Variants in EIF4G3 observed in about 807,000 individuals in gnomAD.
EIF4G3 encodes the protein eukaryotic translation initiation factor 4 gamma 3, also known as eIF-4-gamma 3.
Under a neutral mutation model 186.4 loss-of-function variants are expected in EIF4G3, and 34 were observed. The observed-to-expected ratio is 0.18, with a 90% CI of 0.14 to 0.24. EIF4G3 has a LOEUF of 0.24. Among genes scored for constraint, EIF4G3 ranks in the 10% least tolerant of loss-of-function variants. The pLI, the probability that EIF4G3 is intolerant of heterozygous loss-of-function variation, is 1.00. For synonymous variants in EIF4G3, 673 were observed against 679.5 expected (o/e 0.99, Z 0.15); for missense variants, 1,536 against 1,948.5 (o/e 0.79, Z 3.99).
intron 2 of EIF4G3, among the ~76,000 whole-genome samples, chr1:21,157,505 A>AT (rs982242852): frequency 1.4e-4 from 21 of 147,736 alleles, no homozygotes; most frequent in South Asian, 6.4e-4. Context: ...CACCTGGCTA[A>AT]TTTTTTTTTT....
At chr1:20,931,332 G>A (rs1370716498) in intron 14 of EIF4G3, among the ~76,000 whole-genome samples, 1 of 152,150 alleles carries the variant, frequency 6.6e-6, no homozygotes, top group Non-Finnish European at 1.5e-5. Flanking sequence ...TTGCCAATGT[G>A]CAGTAGTATT....
chr1:20,811,910 T>C (rs1016029478), intron 35 of EIF4G3, among the ~76,000 whole-genome samples: 1 of 152,146 alleles, frequency 6.6e-6, no homozygotes, highest in Non-Finnish European at 1.5e-5. Context: ...TTAATACAAA[T>C]CTTTTCAGAA....
At chr1:20,956,410 A>C (rs116221807) in intron 12 of EIF4G3, among the ~76,000 whole-genome samples, 1,930 of 152,248 alleles carry the variant, frequency 0.013, 45 homozygotes, top group African/African-American at 0.044. Flanking sequence ...AGGAGAGGCA[A>C]GACAGAAGCA....
intron 34 of EIF4G3, among the ~76,000 whole-genome samples, chr1:20,813,857 A>C (rs958833026): frequency 6.6e-6 from 1 of 152,062 alleles, no homozygotes; most frequent in African/African-American, 2.4e-5. Flanking sequence ...AAAACAAAAA[A>C]CAAAAAACAA....
intron 3 of EIF4G3, among the ~76,000 whole-genome samples, chr1:21,062,898 A>G (rs1158912140): frequency 1.3e-5 from 2 of 152,084 alleles, no homozygotes; most frequent in Non-Finnish European, 2.9e-5. Context: ...GCCAATATAT[A>G]TATATTTTAA....
chr1:20,882,640 C>A (rs200248495), intron 19 of EIF4G3, among the ~76,000 whole-genome samples: 4 of 138,528 alleles, frequency 2.9e-5, no homozygotes, highest in Middle Eastern at 3.8e-3. Flanking sequence ...CAAAAAAAAA[C>A]AAAAAAAAAT....
At chr1:20,863,806 T>C (rs1459434165) in intron 22 of EIF4G3, among the ~76,000 whole-genome samples, 1 of 151,734 alleles carries the variant, frequency 6.6e-6, no homozygotes, top group East Asian at 1.9e-4. Context: ...TTTGCCCCTT[T>C]TCCTACCTTC....
chr1:21,125,590 G>T (rs867487822), intron 2 of EIF4G3, among the ~76,000 whole-genome samples: 1 of 151,936 alleles, frequency 6.6e-6, no homozygotes, highest in African/African-American at 2.4e-5. Flanking sequence ...ATGGTGGCGG[G>T]TGCCTGTAAT....
At chr1:20,821,645 T>C (rs975261973) in intron 33 of EIF4G3, among the ~76,000 whole-genome samples, 3 of 152,140 alleles carry the variant, frequency 2.0e-5, no homozygotes, top group Non-Finnish European at 2.9e-5. Context: ...TTCTGTTATG[T>C]ATACTTCACC....
At chr1:20,995,909 G>C (rs1011305013) in intron 7 of EIF4G3, among the ~76,000 whole-genome samples, 2 of 152,062 alleles carry the variant, frequency 1.3e-5, no homozygotes, top group African/African-American at 4.8e-5. Flanking sequence ...AAACGTTTTT[G>C]CCCTAATTCC....
intron 14 of EIF4G3, among the ~76,000 whole-genome samples, chr1:20,910,590 CA>C (rs2093036476): frequency 1.3e-5 from 2 of 151,964 alleles, no homozygotes; most frequent in Admixed American, 6.6e-5. Context: ...CTCAAAAAAA[CA>C]AAAACAAAAA....
intron 14 of EIF4G3, among the ~76,000 whole-genome samples, chr1:20,929,187 T>G (rs1051497163): frequency 6.6e-6 from 1 of 152,192 alleles, no homozygotes; most frequent in Non-Finnish European, 1.5e-5. Context: ...CCCCCCATTC[T>G]TCTGAGCTTT....
chr1:20,924,434 T>C (rs933694219), intron 14 of EIF4G3, among the ~76,000 whole-genome samples: 1 of 152,220 alleles, frequency 6.6e-6, no homozygotes, highest in Non-Finnish European at 1.5e-5. Flanking sequence ...TAACTGATAT[T>C]AATAAGAAGT....
At chr1:20,814,768 T>TCCCCCG (rs2060064300) in intron 34 of EIF4G3, among the ~76,000 whole-genome samples, 1 of 12,018 alleles carries the variant, frequency 8.3e-5, no homozygotes, top group Non-Finnish European at 1.5e-4. Flanking sequence ...CCCCTCCCCC[T>TCCCCCG]CCCCCTCCCC....
chr1:20,874,173 T>G lies in EIF4G3; in HGVS notation c.2622+5150A>C, dbSNP rs536170104. Among the ~76,000 whole-genome samples the G allele has an allele frequency of 2.6e-5, 4 of 152,336 alleles. No individual in the cohort carries two copies. The East Asian group carries it at 7.7e-4, about 29-fold the overall frequency. On this transcript the variant is annotated intron_variant, in intron 20 of 36. Coordinates refer to ENST00000602326, the MANE Select transcript of EIF4G3 (RefSeq NM_001391906.1). ...CACACGTGTGCATGTGTCTTTATAG[T>G]AGAATGATTTATATTCTTTTGATTA... is the stretch of plus-strand genomic sequence containing the variant.
At chr1:21,030,874 G>C (rs2092679212) in intron 4 of EIF4G3, among the ~76,000 whole-genome samples, 1 of 142,668 alleles carries the variant, frequency 7.0e-6, no homozygotes, top group African/African-American at 3.1e-5. Context: ...GTTGCTATTG[G>C]GAGGCAAAGA....
At chr1:21,072,194 T>A (rs1003369543) in intron 3 of EIF4G3, among the ~76,000 whole-genome samples, 1 of 152,132 alleles carries the variant, frequency 6.6e-6, no homozygotes, top group Non-Finnish European at 1.5e-5. Context: ...CATTCCAAGA[T>A]GACAAATATA....
chr1:21,114,688 A>T (rs1269700082), intron 2 of EIF4G3, among the ~76,000 whole-genome samples: 1 of 152,116 alleles, frequency 6.6e-6, no homozygotes, highest in African/African-American at 2.4e-5. Flanking sequence ...TATTAAGAAG[A>T]TGTATATTCG....
At chr1:20,932,864 A>C (rs1276246434) in intron 14 of EIF4G3, among the ~76,000 whole-genome samples, 3 of 152,020 alleles carry the variant, frequency 2.0e-5, no homozygotes, top group African/African-American at 7.2e-5. Flanking sequence ...TGGCATTAAC[A>C]GGCTTTCTCA....
Sources: gnomAD v4.1 joint callset for allele counts (sites outside exome capture counted in the v4.1 genomes callset) on GRCh38, gnomAD v4.1.1 for gene constraint, MANE v1.5 for transcripts, NCBI Gene and HGNC (gene_info 2026-07-23, HGNC 2026-07-21) for gene names.